Variants in SMAD7 observed in about 807,000 individuals in gnomAD.
SMAD7 encodes the protein MAD (mothers against decapentaplegic, Drosophila) homolog 7.
SMAD7 carries 8 observed loss-of-function variants against 38.7 expected under a neutral mutation model. That is an observed-to-expected ratio of 0.21 (90% CI 0.12 to 0.37). The LOEUF (loss-of-function observed/expected upper bound fraction) is 0.37. Ranked by LOEUF, SMAD7 falls within the 10% of genes least tolerant of loss-of-function variation. The pLI is 1.00. For synonymous variants in SMAD7, 327 were observed against 265.1 expected (o/e 1.23, Z -2.27); for missense variants, 477 against 577.9 (o/e 0.83, Z 1.79).
Position 48,921,076 on chromosome 18 carries a change from CTG to C in SMAD7, c.*294_*295del. 2.4e-6 allele frequency: 1 copy of C among 422,690 alleles called. No homozygotes were observed. The highest frequency in any genetic ancestry group is 6.4e-4 in the Middle Eastern group (1 of 1,554). 26.2% of individuals were successfully genotyped at this position (422,690 alleles called of 1,614,324 possible). ...AATGATGACCGCCCCCCTTCATACA[CTG>C]TGTTTGGTGGTGCTTGGATTTCTGC... On this transcript the variant is annotated 3_prime_UTR_variant, in exon 4 of 4. Transcript: ENST00000262158. The surrounding 1 kb of genome is among the most constrained non-coding windows in gnomAD (Gnocchi z 6.4).
intron 3 of SMAD7, among the ~76,000 whole-genome samples, chr18:48,925,435 C>CGCG (rs61045794): frequency 2.6e-5 from 4 of 151,614 alleles, no homozygotes; most frequent in Non-Finnish European, 4.4e-5. Flanking sequence ...AGGTGTTGCC[C>CGCG]CCCCCCAACC....
At chr18:48,948,530 T>C (rs1286831772) in intron 1 of SMAD7, 93 bp from the exon 2 acceptor site, 2 of 910,606 alleles carry the variant, frequency 2.2e-6, no homozygotes, top group East Asian at 2.8e-5. Context: ...AGCCCAACTG[T>C]TTGTCTTAGC....
Position 48,927,007 on chromosome 18 carries a change from C to T in SMAD7, c.743-5097G>A, listed in dbSNP as rs74782801. Among the ~76,000 whole-genome samples the T allele has an allele frequency of 6.9e-3, 1,056 of 152,270 alleles. 8 individuals carry two copies. Among genetic ancestry groups the T allele is most frequent in the African/African-American group, 0.024 (999 of 41,546 alleles). On this transcript the variant is annotated intron_variant, in intron 3 of 3. Coordinates refer to ENST00000262158, the MANE Select transcript of SMAD7 (RefSeq NM_005904.4). ...GGCGAATCCCTCCCCCAAATAGAGACGCGTAAAACTTGCTGAGATATCTGG... is the reference window on the plus strand; with the variant it reads ...GGCGAATCCCTCCCCCAAATAGAGATGCGTAAAACTTGCTGAGATATCTGG...
intron 3 of SMAD7, among the ~76,000 whole-genome samples, chr18:48,936,118 C>A (rs1357755096): frequency 7.2e-4 from 2 of 2,766 alleles, no homozygotes; most frequent in African/African-American, 8.5e-3. Context: ...ACACACACAC[C>A]ACACACACAC....
chr18:48,945,417 G>A (rs185969430), intron 2 of SMAD7, among the ~76,000 whole-genome samples: 9 of 152,072 alleles, frequency 5.9e-5, no homozygotes, highest in Admixed American at 2.0e-4. Context: ...AGCCGAGATC[G>A]GGCCACTGCA....
chr18:48,937,283 T>TGTGTGC (rs2070080200), intron 3 of SMAD7, among the ~76,000 whole-genome samples: 1 of 150,212 alleles, frequency 6.7e-6, no homozygotes, highest in African/African-American at 2.5e-5. Flanking sequence ...TGTGTGTGTG[T>TGTGTGC]GTGTGTGTGT....
rs1045169371 is a variant in SMAD7, at chr18:48,926,221, G to A, written c.743-4311C>T. ...TGGGGTTATGAGAACACGGGCACGC[G>A]TGGAAGAGAAGCTATCTGGGCCTGA... On this transcript the variant is annotated intron_variant, in intron 3 of 3. Coordinates refer to ENST00000262158, the MANE Select transcript of SMAD7 (RefSeq NM_005904.4). 4.6e-5 allele frequency among the ~76,000 whole-genome samples: 7 copies of A among 152,212 alleles called. No homozygotes were observed. The East Asian group carries it at 5.8e-4, about 13-fold the overall frequency.
At chr18:48,932,338 C>T (rs1196798924) in intron 3 of SMAD7, among the ~76,000 whole-genome samples, 1 of 152,198 alleles carries the variant, frequency 6.6e-6, no homozygotes, top group Non-Finnish European at 1.5e-5. Context: ...CATATCTTGG[C>T]GTCTTATTGT....
intron 3 of SMAD7, among the ~76,000 whole-genome samples, chr18:48,935,029 C>T (rs1292008461): frequency 8.5e-5 from 13 of 152,176 alleles, no homozygotes; most frequent in African/African-American, 3.1e-4. Flanking sequence ...AGTATAAATA[C>T]GATCATTTTC....
At chr18:48,939,458 G>A (rs2070111396) in intron 3 of SMAD7, among the ~76,000 whole-genome samples, 2 of 115,424 alleles carry the variant, frequency 1.7e-5, no homozygotes, top group Admixed American at 1.1e-4. Context: ...GCTCCTACCC[G>A]CCCACTCCCC....
intron 3 of SMAD7, among the ~76,000 whole-genome samples, chr18:48,942,069 A>G (rs986363773): frequency 6.6e-6 from 1 of 152,190 alleles, no homozygotes; most frequent in Non-Finnish European, 1.5e-5. Flanking sequence ...TGTCTTCAAC[A>G]AGTTCCCTAA....
intron 3 of SMAD7, among the ~76,000 whole-genome samples, chr18:48,927,704 G>A (rs2069946075): frequency 6.6e-6 from 1 of 152,182 alleles, no homozygotes; most frequent in Admixed American, 6.5e-5. Context: ...TGAGGCTCCT[G>A]GGTTCTCCAG....
At position 48,921,961 on chromosome 18, in the gene SMAD7, C is replaced by T; in HGVS notation, c.743-51G>A. 1 of 1,442,928 alleles carries T rather than the reference C, an allele frequency of 6.9e-7. No homozygotes were observed. The highest frequency in any genetic ancestry group is 9.3e-7 in the Non-Finnish European group (1 of 1,071,404). 89.4% of individuals were successfully genotyped at this position (1,442,928 alleles called of 1,614,324 possible). A position where few individuals can be genotyped will look rare whatever the true frequency, so the allele number is the denominator to read the frequency against. On this transcript the variant is annotated intron_variant, in intron 3 of 3. Coordinates refer to ENST00000262158, the MANE Select transcript of SMAD7 (RefSeq NM_005904.4). The surrounding 1 kb of genome is among the most constrained non-coding windows in gnomAD (Gnocchi z 6.4). ...TTAGTGGGGACAGGCATTGGTGACT[C>T]CTAGAATGAAGACACCCGCCCCCCC... is the stretch of plus-strand genomic sequence containing the variant.
At position 48,950,519 on chromosome 18, in the gene SMAD7, AGCAGGC is replaced by A; in HGVS notation, c.-101_-96del. 7.8e-7 allele frequency: 1 copy of A among 1,275,888 alleles called. No individual in the cohort carries two copies. Among genetic ancestry groups the A allele is most frequent in the Non-Finnish European group, 1.0e-6 (1 of 957,936 alleles). 79.0% of individuals were successfully genotyped at this position (1,275,888 alleles called of 1,614,324 possible). On this transcript the variant is annotated 5_prime_UTR_variant, in exon 1 of 4. Coordinates refer to ENST00000262158, the MANE Select transcript of SMAD7 (RefSeq NM_005904.4). ...AAGAAGTCGGGCGCCGAGTTGGGGC[AGCAGGC>A]GCAGGCGACAGCAGCAGCAGCAGGG... is the stretch of plus-strand genomic sequence containing the variant.
At chr18:48,944,023 A>C (rs776797922) in intron 2 of SMAD7, among the ~76,000 whole-genome samples, 2 of 152,142 alleles carry the variant, frequency 1.3e-5, no homozygotes, top group Non-Finnish European at 2.9e-5. Context: ...ATCTCATTTT[A>C]TCAGGGTAAA....
intron 3 of SMAD7, among the ~76,000 whole-genome samples, chr18:48,929,179 A>G (rs2069963085): frequency 6.6e-6 from 1 of 152,072 alleles, no homozygotes; most frequent in Non-Finnish European, 1.5e-5. Flanking sequence ...CTTCCCCTCC[A>G]TGGTACACCA....
chr18:48,949,222 CA>C, intron 1 of SMAD7: 1 of 941,054 alleles, frequency 1.1e-6, no homozygotes, highest in Non-Finnish European at 1.3e-6. Flanking sequence ...TGAAAGGAGA[CA>C]GATACCCAGT....
chr18:48,921,830 T>G lies in SMAD7; in HGVS notation c.823A>C (p.Arg275=). 7.4e-6 allele frequency: 12 copies of G among 1,613,768 alleles called. No homozygotes were observed. The highest frequency in any genetic ancestry group is 1.6e-4 in the Middle Eastern group (1 of 6,062). The change falls in exon 4 of 4, where the codon AGG becomes CGG. Residue 275 remains arginine (R), a synonymous_variant. Coordinates refer to ENST00000262158, the MANE Select transcript of SMAD7 (RefSeq NM_005904.4). This position sits in a 1 kb window ranked among gnomAD's most constrained non-coding sequence, Gnocchi z 6.4. Reference sequence around the variant, plus strand: ...GAGGGCTCCTGGACACAGTAGAGCCTCCCCACTCTCGTCTTCTCCTCCCAG... The same window carrying G: ...GAGGGCTCCTGGACACAGTAGAGCCGCCCCACTCTCGTCTTCTCCTCCCAG... ...AYWEEKTRVG[R]LYCVQEPSLD...
At position 48,919,920 on chromosome 18, in the gene SMAD7, A is replaced by AT. The variant is rs1224393980; in HGVS notation, c.*1451dup. 4 of 152,646 alleles carry AT rather than the reference A, an allele frequency of 2.6e-5. No homozygotes were observed. The highest frequency in any genetic ancestry group is 5.9e-5 in the Non-Finnish European group (4 of 68,042). 9.5% of individuals were successfully genotyped at this position (152,646 alleles called of 1,614,324 possible). On this transcript the variant is annotated 3_prime_UTR_variant, in exon 4 of 4. Coordinates refer to ENST00000262158, the MANE Select transcript of SMAD7 (RefSeq NM_005904.4). Reference sequence around the variant, plus strand: ...CTTTAGAAAAACATTCAGCTAGGTGATAACACCCATAGAAAAAAACACCAA... The same window carrying AT: ...CTTTAGAAAAACATTCAGCTAGGTGATTAACACCCATAGAAAAAAACACCAA...
Sources: gnomAD v4.1 joint callset for allele counts (sites outside exome capture counted in the v4.1 genomes callset) on GRCh38, gnomAD v4.1.1 for gene constraint, Gnocchi (gnomAD v3.1) non-coding constraint, MANE v1.5 for transcripts, NCBI Gene and HGNC (gene_info 2026-07-23, HGNC 2026-07-21) for gene names.